The following CADPS variants were observed in gnomAD, a reference collection of about 807,000 sequenced individuals.
CADPS encodes the protein calcium dependent secretion activator.
In CADPS, 57 loss-of-function variants were observed where a neutral mutation model predicts 167.3. The ratio of observed to expected loss-of-function variants is 0.34; its 90% CI spans 0.28 to 0.42. The LOEUF is 0.42. Ranked by LOEUF, CADPS falls within the 20% of genes least tolerant of loss-of-function variation. The pLI is 1.00. For missense variants in CADPS, 1,414 were observed against 1,738.1 expected (o/e 0.81, Z 3.32); for synonymous variants, 676 against 635.3 (o/e 1.06, Z -0.96).
At chr3:62,605,898 G>A (rs2060630626) in intron 6 of CADPS, among the ~76,000 whole-genome samples, 1 of 152,216 alleles carries the variant, frequency 6.6e-6, no homozygotes, top group Non-Finnish European at 1.5e-5. Context: ...CAAACCATCT[G>A]AGCAATGGCT....
intron 17 of CADPS, among the ~76,000 whole-genome samples, chr3:62,511,754 A>C (rs570732432): frequency 3.9e-5 from 6 of 152,128 alleles, no homozygotes; most frequent in Non-Finnish European, 8.8e-5. Context: ...TAGGCCTTGC[A>C]ATATAGTGAT....
At chr3:62,487,905 G>A (rs1452881410) in intron 21 of CADPS, among the ~76,000 whole-genome samples, 2 of 152,028 alleles carry the variant, frequency 1.3e-5, no homozygotes, top group African/African-American at 2.4e-5. Context: ...TTGTCAGATT[G>A]CTATTTTTCT....
In CADPS at chr3:62,638,698, C is replaced by T. The variant is rs553742629; in HGVS notation, c.1325+7024G>A. Among the ~76,000 whole-genome samples, 4 of 152,238 alleles carry T rather than the reference C, an allele frequency of 2.6e-5. No homozygotes were observed. The South Asian group carries it at 6.2e-4, about 24-fold the overall frequency. On this transcript the variant is annotated intron_variant, in intron 6 of 29. Transcript: ENST00000383710. ...TGACAAACTCCAGCCACTACTTGAT[C>T]ATCCCATTCTGAAATTCCAACTAAT...
intron 28 of CADPS, among the ~76,000 whole-genome samples, chr3:62,416,328 G>C (rs938317649): frequency 6.6e-5 from 10 of 152,176 alleles, no homozygotes; most frequent in African/African-American, 2.4e-4. Flanking sequence ...CAAAACTATT[G>C]CTGATACTAC....
At chr3:62,714,840 C>T (rs145481339) in intron 3 of CADPS, among the ~76,000 whole-genome samples, 1 of 152,160 alleles carries the variant, frequency 6.6e-6, no homozygotes, top group East Asian at 1.9e-4. Flanking sequence ...AAGTTTCTAC[C>T]TATAGACTAA....
At chr3:62,532,717 T>TTGTG (rs10586016) in intron 13 of CADPS, among the ~76,000 whole-genome samples, 154 bp downstream of exon 13, 3,321 of 148,878 alleles carry the variant, frequency 0.022, 79 homozygotes, top group African/African-American at 0.062. Flanking sequence ...TTAGTGCCCT[T>TTGTG]TGTGTGTGTG....
chr3:62,448,144 T>G (rs1046680010), intron 26 of CADPS, among the ~76,000 whole-genome samples: 1 of 152,188 alleles, frequency 6.6e-6, no homozygotes, highest in Non-Finnish European at 1.5e-5. Flanking sequence ...ACTCTTGATC[T>G]CCTCAATATT....
At chr3:62,656,897 T>G (rs1272221017) in intron 4 of CADPS, among the ~76,000 whole-genome samples, 2 of 152,140 alleles carry the variant, frequency 1.3e-5, no homozygotes, top group Non-Finnish European at 2.9e-5. Flanking sequence ...AGGACCCCCC[T>G]GGCATTTATA....
At chr3:62,716,076 TTGAGACA>T (rs2084524301) in intron 3 of CADPS, among the ~76,000 whole-genome samples, 1 of 136,170 alleles carries the variant, frequency 7.3e-6, no homozygotes, top group African/African-American at 2.6e-5. Flanking sequence ...CACTTTTTTT[TTGAGACA>T]GAGTTTTGCT....
chr3:62,470,227 G>T (rs1027217362), intron 24 of CADPS, among the ~76,000 whole-genome samples: 1 of 152,142 alleles, frequency 6.6e-6, no homozygotes, highest in Admixed American at 6.5e-5. Context: ...TCCAGGATGC[G>T]ATCTTAAAAA....
At chr3:62,605,532 G>A (rs1197659067) in intron 6 of CADPS, among the ~76,000 whole-genome samples, 1 of 152,218 alleles carries the variant, frequency 6.6e-6, no homozygotes, top group Non-Finnish European at 1.5e-5. Flanking sequence ...GTGGGAGAAT[G>A]TAAGTTCTTA....
chr3:62,700,846 T>C (rs1580717831), intron 3 of CADPS, among the ~76,000 whole-genome samples: 2 of 152,112 alleles, frequency 1.3e-5, no homozygotes, highest in South Asian at 4.1e-4. Context: ...TATCACAAAA[T>C]ACCATAGCCT....
intron 3 of CADPS, among the ~76,000 whole-genome samples, chr3:62,745,361 C>T (rs557755038): frequency 6.6e-6 from 1 of 152,314 alleles, no homozygotes; most frequent in Admixed American, 6.5e-5. Flanking sequence ...ACGTGAGCCA[C>T]TACATCTGGC....
chr3:62,539,818 G>A (rs1433850929), intron 11 of CADPS, among the ~76,000 whole-genome samples: 2 of 152,086 alleles, frequency 1.3e-5, no homozygotes, highest in Non-Finnish European at 2.9e-5. Context: ...TATTTAATGG[G>A]AGCTAGCATA....
chr3:62,853,860 G>A (rs554488817), intron 1 of CADPS, among the ~76,000 whole-genome samples: 1 of 152,222 alleles, frequency 6.6e-6, no homozygotes, highest in South Asian at 2.1e-4. Context: ...GGGGGCTGAG[G>A]TGGGAGGATC....
intron 3 of CADPS, among the ~76,000 whole-genome samples, chr3:62,698,765 G>T (rs1457694728): frequency 1.1e-5 from 1 of 90,606 alleles, no homozygotes; most frequent in Non-Finnish European, 2.0e-5. Flanking sequence ...TTTCAGACAG[G>T]GTCTTGCTTT....
chr3:62,477,243 C>T (rs2061435151), intron 23 of CADPS, among the ~76,000 whole-genome samples: 1 of 151,756 alleles, frequency 6.6e-6, no homozygotes, highest in African/African-American at 2.4e-5. Context: ...CCCCATCACC[C>T]ACAATTGATC....
intron 1 of CADPS, among the ~76,000 whole-genome samples, chr3:62,770,602 T>A (rs1018236295): frequency 3.9e-5 from 6 of 152,078 alleles, no homozygotes; most frequent in African/African-American, 1.2e-4. Context: ...ATTTTTGTAT[T>A]TTTAGTAAAG....
chr3:62,816,445 TATC>T (rs1396990511), intron 1 of CADPS, among the ~76,000 whole-genome samples: 5 of 151,980 alleles, frequency 3.3e-5, no homozygotes, highest in Admixed American at 6.6e-5. Flanking sequence ...CATTTGCAAA[TATC>T]ATAGAGAAAT....
Sources: gnomAD v4.1 joint callset for allele counts (sites outside exome capture counted in the v4.1 genomes callset) on GRCh38, gnomAD v4.1.1 for gene constraint, MANE v1.5 for transcripts, NCBI Gene and HGNC (gene_info 2026-07-23, HGNC 2026-07-21) for gene names.